The following NEGR1 variants were observed in gnomAD, a reference collection of about 807,000 sequenced individuals.
NEGR1 encodes IgLON family member 4.
NEGR1 carries 10 observed loss-of-function variants against 40.9 expected under a neutral mutation model. That is an observed-to-expected ratio of 0.24 (90% CI 0.15 to 0.42). The LOEUF (loss-of-function observed/expected upper bound fraction) is 0.42, where lower values mean the gene tolerates loss of function less well. Ranked by LOEUF, NEGR1 falls within the 10% of genes least tolerant of loss-of-function variation. The pLI, the probability that NEGR1 is intolerant of heterozygous loss-of-function variation, is 1.00. For synonymous variants in NEGR1, 185 were observed against 166.8 expected (o/e 1.11, Z -0.84); for missense variants, 352 against 438.9 (o/e 0.80, Z 1.77).
chr1:72,211,781 G>C (rs1370358309), intron 1 of NEGR1, among the ~76,000 whole-genome samples: 4 of 151,396 alleles, frequency 2.6e-5, no homozygotes, highest in Non-Finnish European at 3.0e-5. Flanking sequence ...TTTTAAGAAT[G>C]TAAAGGTGAA....
chr1:72,280,426 T>C (rs891289881), intron 1 of NEGR1, among the ~76,000 whole-genome samples: 2 of 152,168 alleles, frequency 1.3e-5, no homozygotes, highest in African/African-American at 2.4e-5. Flanking sequence ...GCTACAAAAA[T>C]ACATATTGCA....
At chr1:71,928,025 A>ACAC (rs1557438015) in intron 2 of NEGR1, among the ~76,000 whole-genome samples, 3 of 79,138 alleles carry the variant, frequency 3.8e-5, no homozygotes, top group Admixed American at 1.6e-4. Flanking sequence ...TAAATAAATA[A>ACAC]ATACACACAC....
intron 1 of NEGR1, among the ~76,000 whole-genome samples, chr1:72,197,334 T>C (rs1195715428): frequency 6.6e-6 from 1 of 152,046 alleles, no homozygotes; most frequent in Non-Finnish European, 1.5e-5. Flanking sequence ...AGCAGAATGG[T>C]TGCAAATATA....
chr1:72,146,601 G>A (rs1024418069), intron 1 of NEGR1, among the ~76,000 whole-genome samples: 1 of 151,708 alleles, frequency 6.6e-6, no homozygotes, highest in Non-Finnish European at 1.5e-5. Flanking sequence ...TTATCTCCAG[G>A]CCATATTTAT....
At chr1:71,669,714 G>A (rs765997066) in intron 4 of NEGR1, among the ~76,000 whole-genome samples, 3 of 151,888 alleles carry the variant, frequency 2.0e-5, no homozygotes, top group Non-Finnish European at 4.4e-5. Flanking sequence ...GCAGTGGCGC[G>A]ATCTCGGCTC....
At chr1:71,481,938 C>T (rs1646856645) in intron 6 of NEGR1, among the ~76,000 whole-genome samples, 3 of 151,788 alleles carry the variant, frequency 2.0e-5, no homozygotes, top group Admixed American at 1.3e-4. Context: ...TTATTTTTCT[C>T]ACTTTCTCTG....
At chr1:71,747,832 CT>C (rs5775088) in intron 3 of NEGR1, among the ~76,000 whole-genome samples, 23 of 145,472 alleles carry the variant, frequency 1.6e-4, no homozygotes, top group African/African-American at 4.5e-4. Flanking sequence ...CATCCTTCAC[CT>C]TTTTTTTTTT....
At chr1:71,760,571 C>T (rs995829759) in intron 3 of NEGR1, among the ~76,000 whole-genome samples, 2 of 152,122 alleles carry the variant, frequency 1.3e-5, no homozygotes, top group Non-Finnish European at 2.9e-5. Flanking sequence ...TATGTAAAGC[C>T]ATTTTGGAAA....
intron 2 of NEGR1, among the ~76,000 whole-genome samples, chr1:71,785,859 A>C (rs1656891217): frequency 6.6e-6 from 1 of 152,144 alleles, no homozygotes; most frequent in African/African-American, 2.4e-5. Flanking sequence ...TCCTGGTTTT[A>C]TAAGGTAAGC....
At position 72,238,890 on chromosome 1, in the gene NEGR1, T is replaced by C. The variant is rs141174580; in HGVS notation, c.176+43429A>G. ...TCAAAGCTGTGGCACAGAAGAACTT[T>C]CAATGTGCCTCATACCAGGGAACCG... is the stretch of plus-strand genomic sequence containing the variant. On this transcript the variant is annotated intron_variant, in intron 1 of 6. Coordinates refer to ENST00000357731, the MANE Select transcript of NEGR1 (RefSeq NM_173808.3). Among the ~76,000 whole-genome samples the C allele has an allele frequency of 9.9e-3, 1,501 of 151,968 alleles. 12 individuals are homozygous for C. Among genetic ancestry groups the C allele is most frequent in the Non-Finnish European group, 0.016 (1,084 of 67,846 alleles).
At chr1:71,965,307 A>G (rs1646201296) in intron 1 of NEGR1, among the ~76,000 whole-genome samples, 1 of 152,176 alleles carries the variant, frequency 6.6e-6, no homozygotes, top group South Asian at 2.1e-4. Flanking sequence ...TTCTCATCAT[A>G]AACAAGACAC....
chr1:71,917,046 G>A (rs1462090912), intron 2 of NEGR1, among the ~76,000 whole-genome samples: 1 of 152,166 alleles, frequency 6.6e-6, no homozygotes, highest in Admixed American at 6.5e-5. Flanking sequence ...GCCCTCTATA[G>A]CTCCATCTGT....
chr1:71,971,013 A>T (rs573790566), intron 1 of NEGR1, among the ~76,000 whole-genome samples: 9 of 152,312 alleles, frequency 5.9e-5, no homozygotes, highest in East Asian at 1.9e-4. Flanking sequence ...ACATCCTGAC[A>T]TGAAATCATC....
In NEGR1 at chr1:71,407,013, T is replaced by G. The variant is rs1161731350; in HGVS notation, c.*433A>C. Reference sequence around the variant, plus strand: ...TTTTATCAAAAAAGAAAAAAATGCATCTTTGTAAATGTGGATTGACTCTTA... The same window carrying G: ...TTTTATCAAAAAAGAAAAAAATGCAGCTTTGTAAATGTGGATTGACTCTTA... On this transcript the variant is annotated 3_prime_UTR_variant, in exon 7 of 7. Transcript: ENST00000357731. The G allele has an allele frequency of 1.3e-5, 2 of 152,680 alleles. No homozygotes were observed. The highest frequency in any genetic ancestry group is 2.9e-5 in the Non-Finnish European group (2 of 68,072). The allele number at this position is 152,680 out of a possible 1,614,324, so 9.5% of individuals were successfully genotyped here.
At chr1:71,749,853 A>G (rs879629871) in intron 3 of NEGR1, among the ~76,000 whole-genome samples, 2 of 152,256 alleles carry the variant, frequency 1.3e-5, no homozygotes, top group Admixed American at 1.3e-4. Context: ...GCTTATTTTT[A>G]ACATTTAATG....
chr1:72,063,517 T>G (rs1368188244), intron 1 of NEGR1, among the ~76,000 whole-genome samples: 1 of 151,910 alleles, frequency 6.6e-6, no homozygotes, highest in Non-Finnish European at 1.5e-5. Flanking sequence ...TCACCTATAG[T>G]TATGCACAGT....
chr1:71,854,601 A>C (rs919284482), intron 2 of NEGR1, among the ~76,000 whole-genome samples: 1 of 152,100 alleles, frequency 6.6e-6, no homozygotes, highest in African/African-American at 2.4e-5. Context: ...TAAATAAAAG[A>C]GGTTGAATTG....
At chr1:71,496,550 G>A (rs931962544) in intron 6 of NEGR1, among the ~76,000 whole-genome samples, 2 of 151,830 alleles carry the variant, frequency 1.3e-5, no homozygotes, top group Non-Finnish European at 2.9e-5. Context: ...AAGGAGACCA[G>A]GATTCATATT....
intron 1 of NEGR1, among the ~76,000 whole-genome samples, chr1:71,978,786 G>A (rs1280536076): frequency 1.3e-5 from 2 of 152,080 alleles, no homozygotes; most frequent in South Asian, 2.1e-4. Context: ...TTTGTGGAAT[G>A]AAGTTCGGCG....
Sources: allele counts gnomAD v4.1 joint callset (sites outside exome capture counted in the v4.1 genomes callset), GRCh38; gene constraint gnomAD v4.1.1; transcripts MANE v1.5; gene names NCBI Gene and HGNC (gene_info 2026-07-23, HGNC 2026-07-21).